TBC1D22A: variants seen among roughly 807,000 people sequenced by gnomAD.
TBC1D22A encodes TBC1 domain family member 22A.
A neutral mutation model predicts 60.2 loss-of-function variants in TBC1D22A; 38 were observed. That is an observed-to-expected ratio of 0.63 (90% CI 0.49 to 0.83). The LOEUF (loss-of-function observed/expected upper bound fraction) is 0.83, where lower values mean the gene tolerates loss of function less well. Ranked by LOEUF, TBC1D22A falls within the 40% of genes least tolerant of loss-of-function variation. The pLI, the probability that TBC1D22A is intolerant of heterozygous loss-of-function variation, is 0.00. For missense variants in TBC1D22A, 628 were observed against 701.0 expected (o/e 0.90, Z 1.18); for synonymous variants, 302 against 281.7 (o/e 1.07, Z -0.72).
intron 10 of TBC1D22A, among the ~76,000 whole-genome samples, chr22:47,022,624 G>A (rs1345207915): frequency 6.6e-6 from 1 of 152,092 alleles, no homozygotes; most frequent in East Asian, 1.9e-4. Context: ...GTATTAAGCT[G>A]AATACTGATC....
At chr22:47,036,521 G>C (rs1478035777) in intron 10 of TBC1D22A, among the ~76,000 whole-genome samples, 3 of 152,214 alleles carry the variant, frequency 2.0e-5, no homozygotes, top group African/African-American at 7.2e-5. Context: ...AGGCCCAGCT[G>C]TGTCAGGGGT....
intron 1 of TBC1D22A, among the ~76,000 whole-genome samples, chr22:46,768,728 G>T (rs953052152): frequency 6.6e-6 from 1 of 152,122 alleles, no homozygotes; most frequent in Admixed American, 6.6e-5. Flanking sequence ...GCTCAGCTCC[G>T]CCTGGCAGGG....
intron 11 of TBC1D22A, among the ~76,000 whole-genome samples, chr22:47,061,610 T>C (rs1259197338): frequency 6.6e-6 from 1 of 152,106 alleles, no homozygotes; most frequent in East Asian, 1.9e-4. Context: ...TCTGTAGCCT[T>C]AGACAAGCTG....
chr22:46,860,875 G>C (rs1006537420), intron 4 of TBC1D22A, among the ~76,000 whole-genome samples: 5 of 152,238 alleles, frequency 3.3e-5, no homozygotes, highest in African/African-American at 7.2e-5. Context: ...ACAGGGTGTG[G>C]GACAGAGGGA....
In TBC1D22A at chr22:46,793,814, A is replaced by G. The variant is rs1308707476; in HGVS notation, c.433A>G (p.Ser145Gly). Reference protein sequence around the residue: ...SGDLRLVKSVSESHTSCPAES... With the variant: ...SGDLRLVKSVGESHTSCPAES... ...CGACCTCCGGCTGGTGAAGTCGGTC[A>G]GTGAGAGCCACACGTCCTGTCCTGC... The change falls in exon 3 of 13, where the codon AGT becomes GGT. Residue 145 changes from serine (S) to glycine (G), a missense_variant. Ser to Gly is a moderately conservative substitution (Grantham distance 56). Coordinates refer to ENST00000337137, the MANE Select transcript of TBC1D22A (RefSeq NM_014346.5). The G allele has an allele frequency of 1.9e-6, 3 of 1,592,586 alleles. No individual in the cohort carries two copies. Among genetic ancestry groups the G allele is most frequent in the African/African-American group, 2.7e-5 (2 of 74,502 alleles).
intron 8 of TBC1D22A, among the ~76,000 whole-genome samples, chr22:46,923,312 C>T (rs130985): frequency 0.039 from 5,933 of 152,358 alleles, 165 homozygotes; most frequent in Non-Finnish European, 0.062. Flanking sequence ...AAGGATCTCT[C>T]TACTTTCTCT....
Position 46,876,221 on chromosome 22 carries a change from G to A in TBC1D22A, c.638-2432G>A, listed in dbSNP as rs115185052. 8.5e-3 allele frequency among the ~76,000 whole-genome samples: 1,292 copies of A among 152,258 alleles called. 24 individuals carry two copies. Among genetic ancestry groups the A allele is most frequent in the African/African-American group, 0.029 (1,204 of 41,514 alleles). ...ATTCTGCCTGTGCTTTCAGATTCTC[G>A]TATGTGCCTACAGAAATAATCATTG... is the stretch of plus-strand genomic sequence containing the variant. On this transcript the variant is annotated intron_variant, in intron 4 of 12. Transcript: ENST00000337137.
intron 12 of TBC1D22A, among the ~76,000 whole-genome samples, chr22:47,151,421 T>C (rs927214959): frequency 1.1e-4 from 16 of 152,192 alleles, no homozygotes; most frequent in Non-Finnish European, 1.9e-4. Context: ...ACTCGGGAAA[T>C]TGAATAATTT....
At chr22:46,995,508 G>A (rs6009091) in intron 9 of TBC1D22A, among the ~76,000 whole-genome samples, 1 of 148,148 alleles carries the variant, frequency 6.8e-6, no homozygotes, top group African/African-American at 2.7e-5. Context: ...GTGTGTGCAC[G>A]CACTTTGTGT....
intron 12 of TBC1D22A, among the ~76,000 whole-genome samples, chr22:47,125,636 T>TG (rs1444861210): frequency 6.6e-6 from 1 of 152,210 alleles, no homozygotes; most frequent in Non-Finnish European, 1.5e-5. Flanking sequence ...GGAGAGACTC[T>TG]GGGGTGACTT....
chr22:46,904,632 C>A lies in TBC1D22A; in HGVS notation c.901-7442C>A, dbSNP rs369553443. 2.6e-4 allele frequency among the ~76,000 whole-genome samples: 40 copies of A among 151,826 alleles called. No individual in the cohort carries two copies. In the East Asian group the frequency reaches 2.7e-3, roughly 10 times the overall value. On this transcript the variant is annotated intron_variant, in intron 7 of 12. Coordinates refer to ENST00000337137, the MANE Select transcript of TBC1D22A (RefSeq NM_014346.5). ...TACAGGCGCCCGCCACCACGCCCGG[C>A]TAATTTTGTATTTTTAGTAGAGATG...
At chr22:47,109,706 A>G (rs917494049) in intron 11 of TBC1D22A, among the ~76,000 whole-genome samples, 1 of 152,118 alleles carries the variant, frequency 6.6e-6, no homozygotes, top group Admixed American at 6.5e-5. Flanking sequence ...TCGCCCTTCC[A>G]GTTGTTGAGG....
At chr22:46,784,521 C>G (rs1463816903) in intron 1 of TBC1D22A, among the ~76,000 whole-genome samples, 1 of 152,148 alleles carries the variant, frequency 6.6e-6, no homozygotes, top group African/African-American at 2.4e-5. Flanking sequence ...AAATGGGGTT[C>G]CTTTAGTCTC....
At chr22:46,792,316 T>C in intron 1 of TBC1D22A, among the ~76,000 whole-genome samples, 1 of 151,772 alleles carries the variant, frequency 6.6e-6, no homozygotes, top group East Asian at 1.9e-4. Context: ...GGGTGTGGGG[T>C]GTGGGCTTGT....
chr22:46,810,238 AT>A (rs2085323918), intron 4 of TBC1D22A, among the ~76,000 whole-genome samples: 1 of 152,214 alleles, frequency 6.6e-6, no homozygotes, highest in Admixed American at 6.5e-5. Context: ...AAGTTAAAAC[AT>A]TTACAGTGGT....
rs564950350 is a variant in TBC1D22A, at chr22:47,118,122, C to A, written c.1425+6519C>A. The stretch of plus-strand genomic sequence containing the variant: ...GGGGCGACAGAGTGAGACTCCGTCT[C>A]AAAAAAAATACATAAAAAATAAGGT... On this transcript the variant is annotated intron_variant, in intron 12 of 12. Coordinates refer to ENST00000337137, the MANE Select transcript of TBC1D22A (RefSeq NM_014346.5). Among the ~76,000 whole-genome samples the A allele has an allele frequency of 2.4e-3, 362 of 151,372 alleles. 2 individuals carry two copies. The highest frequency in any genetic ancestry group is 8.6e-3 in the African/African-American group (355 of 41,282).
chr22:47,057,819 A>G (rs1469016938), intron 11 of TBC1D22A, among the ~76,000 whole-genome samples: 5 of 152,112 alleles, frequency 3.3e-5, no homozygotes, highest in Admixed American at 3.3e-4. Context: ...ACAATTCAAG[A>G]TGAAATTTGG....
intron 12 of TBC1D22A, among the ~76,000 whole-genome samples, chr22:47,144,276 C>T (rs552664734): frequency 2.6e-5 from 4 of 152,332 alleles, no homozygotes; most frequent in South Asian, 2.1e-4. Flanking sequence ...TTCTAGTGGC[C>T]GCAGCCGCCC....
chr22:47,052,374 G>A (rs1232863197), intron 11 of TBC1D22A, among the ~76,000 whole-genome samples: 1 of 152,336 alleles, frequency 6.6e-6, no homozygotes, highest in South Asian at 2.1e-4. Context: ...GGCACAGCGG[G>A]CGAGCCTGGG....
Sources: allele counts gnomAD v4.1 joint callset (sites outside exome capture counted in the v4.1 genomes callset), GRCh38; gene constraint gnomAD v4.1.1; transcripts MANE v1.5; gene names NCBI Gene and HGNC (gene_info 2026-07-23, HGNC 2026-07-21).